CERS5: variants seen among roughly 807,000 people sequenced by gnomAD.
CERS5 encodes the protein LAG1 homolog, ceramide synthase 5.
CERS5 carries 37 observed loss-of-function variants against 58.9 expected under a neutral mutation model. That is an observed-to-expected ratio of 0.63 (90% CI 0.48 to 0.83). The LOEUF (loss-of-function observed/expected upper bound fraction) is 0.83. Among genes scored for constraint, CERS5 ranks in the 40% least tolerant of loss-of-function variants. CERS5 has a pLI of 0.00. For synonymous variants in CERS5, 147 were observed against 177.8 expected (o/e 0.83, Z 1.38); for missense variants, 398 against 489.3 (o/e 0.81, Z 1.76).
chr12:50,137,390 G>A (rs1001718784), intron 6 of CERS5, among the ~76,000 whole-genome samples: 4 of 152,092 alleles, frequency 2.6e-5, no homozygotes, highest in Admixed American at 1.3e-4. Context: ...AGCTTTTCTG[G>A]AATCAGACAT....
In CERS5 at chr12:50,143,487, T is replaced by G. The variant is rs61926149; in HGVS notation, c.304-283A>C. On this transcript the variant is annotated intron_variant, in intron 2 of 9. Coordinates refer to ENST00000317551, the MANE Select transcript of CERS5 (RefSeq NM_147190.5). ...CAGGCCAGGCATGGTGGCTCATGCC[T>G]GTAATCCTGGGATTTTTGAAGGCTG... 8.3e-3 allele frequency: 2,703 copies of G among 326,816 alleles called. 18 individuals carry two copies. The highest frequency in any genetic ancestry group is 0.012 in the Non-Finnish European group (2,101 of 178,072). 20.2% of individuals were successfully genotyped at this position (326,816 alleles called of 1,614,324 possible).
rs756218082 is a variant in CERS5 at position 50,135,879 on chromosome 12, T to A, written c.766-41A>T. 1.1e-5 allele frequency: 17 copies of A among 1,597,946 alleles called. No individual in the cohort carries two copies. In the Admixed American group the frequency reaches 2.8e-4, roughly 27 times the overall value. ...AAGAATTGAGCTGGGGAGAAAGTCA[T>A]TCCTCACATAGGAAGAAAAGAAGAG... On this transcript the variant is annotated intron_variant, in intron 7 of 9. Transcript: ENST00000317551.
intron 1 of CERS5, among the ~76,000 whole-genome samples, chr12:50,158,060 C>CAAAAAAAAAAAAAAAA (rs11388385): frequency 1.2e-5 from 1 of 81,372 alleles, no homozygotes; most frequent in African/African-American, 4.8e-5. Flanking sequence ...AGACCATGAC[C>CAAAAAAAAAAAAAAAA]AAAAAAAAAA....
intron 1 of CERS5, among the ~76,000 whole-genome samples, chr12:50,160,690 C>T (rs752574610): frequency 2.6e-5 from 4 of 152,186 alleles, no homozygotes; most frequent in Non-Finnish European, 5.9e-5. Flanking sequence ...GGAAAATATG[C>T]TCAAGGGACA....
intron 1 of CERS5, among the ~76,000 whole-genome samples, chr12:50,156,640 G>C (rs1469947410): frequency 1.3e-5 from 2 of 151,740 alleles, no homozygotes. Flanking sequence ...AGAAAATATT[G>C]ATAGATATAA....
chr12:50,155,882 C>T (rs1465866871), intron 1 of CERS5, among the ~76,000 whole-genome samples: 4 of 150,330 alleles, frequency 2.7e-5, no homozygotes, highest in African/African-American at 9.8e-5. Flanking sequence ...GCGGGTGGAT[C>T]ACCTGTGGTC....
intron 1 of CERS5, among the ~76,000 whole-genome samples, chr12:50,149,369 C>T (rs771098023): frequency 6.6e-6 from 1 of 152,120 alleles, no homozygotes; most frequent in Non-Finnish European, 1.5e-5. Flanking sequence ...ATTTGTCCTG[C>T]TTTGTAGAGA....
At chr12:50,133,161 T>C (rs1429358928) in intron 9 of CERS5, 1 of 1,230,476 alleles carries the variant, frequency 8.1e-7, no homozygotes, top group East Asian at 5.7e-5. Context: ...ATGGCAGCTA[T>C]AAGGAATAAT....
chr12:50,153,338 G>A (rs1271724019), intron 1 of CERS5, among the ~76,000 whole-genome samples: 2 of 125,320 alleles, frequency 1.6e-5, no homozygotes, highest in African/African-American at 6.1e-5. Context: ...GGAGTCCCGT[G>A]GCATGATCTT....
chr12:50,158,121 A>C (rs865955154), intron 1 of CERS5, among the ~76,000 whole-genome samples: 1 of 151,560 alleles, frequency 6.6e-6, no homozygotes, highest in Non-Finnish European at 1.5e-5. Context: ...ATGCATGTAG[A>C]TTGTATATTT....
intron 9 of CERS5, among the ~76,000 whole-genome samples, chr12:50,131,218 T>C (rs1442717176): frequency 6.6e-6 from 1 of 152,218 alleles, no homozygotes; most frequent in Non-Finnish European, 1.5e-5. Context: ...GACACTGTTT[T>C]CCAATCTTCT....
At chr12:50,167,031 C>G (rs12317544) in intron 1 of CERS5, 70 bp downstream of exon 1, 3 of 1,234,704 alleles carry the variant, frequency 2.4e-6, no homozygotes, top group Non-Finnish European at 3.3e-6. Flanking sequence ...TTCCGGCCCT[C>G]GGCCCTTCCC....
intron 1 of CERS5, among the ~76,000 whole-genome samples, chr12:50,155,013 A>G (rs903698437): frequency 3.9e-5 from 6 of 152,032 alleles, no homozygotes; most frequent in Non-Finnish European, 7.4e-5. Context: ...GTGCACCACC[A>G]TGCCTGGTTA....
rs568574449 is a variant in CERS5 at position 50,142,378 on chromosome 12, C to T, written c.435-268G>A. Among the ~76,000 whole-genome samples, 8 of 152,172 alleles carry T rather than the reference C, an allele frequency of 5.3e-5. No homozygotes were observed. The East Asian group carries it at 1.5e-3, about 29-fold the overall frequency. The stretch of plus-strand genomic sequence containing the variant: ...GACTATCCTAGCCAACATAGTGAAA[C>T]CTTGTCTCTACGAATACAAAAATTA... On this transcript the variant is annotated intron_variant, in intron 3 of 9. Transcript: ENST00000317551.
chr12:50,167,168 C>G lies in CERS5; in HGVS notation c.130G>C (p.Gly44Arg). ...GGGAACACCGAGAGGATGTGCCGGC[C>G]GCGGGGGTAACCGTAGCCGTCGGCC... ...GPADGYGYPR[G>R]RHILSVFPLA... Residue 44 changes from glycine (G) to arginine (R), a missense_variant, in exon 1 of 10, where the codon GGC (glycine) becomes CGC (arginine). Gly to Arg is a moderately radical substitution (Grantham distance 125). Coordinates refer to ENST00000317551, the MANE Select transcript of CERS5 (RefSeq NM_147190.5). 6.2e-7 allele frequency: 1 copy of G among 1,600,620 alleles called. No homozygotes were observed. Among genetic ancestry groups the G allele is most frequent in the Non-Finnish European group, 8.5e-7 (1 of 1,176,032 alleles).
chr12:50,155,134 A>G (rs1476936874), intron 1 of CERS5, among the ~76,000 whole-genome samples: 1 of 152,138 alleles, frequency 6.6e-6, no homozygotes, highest in Non-Finnish European at 1.5e-5. Context: ...CTGGGATTAT[A>G]GGGGTGAGCC....
At chr12:50,140,505 G>T (rs1951915432) in intron 4 of CERS5, among the ~76,000 whole-genome samples, 1 of 151,852 alleles carries the variant, frequency 6.6e-6, no homozygotes, top group Non-Finnish European at 1.5e-5. Context: ...GGCTGGTCTT[G>T]AACTCCTGAA....
At chr12:50,143,798 G>T (rs1007637872) in intron 2 of CERS5, 154 bp downstream of exon 2, 3 of 570,604 alleles carry the variant, frequency 5.3e-6, no homozygotes, top group African/African-American at 3.7e-5. Context: ...TTCCCTGAGG[G>T]GATAAAGCTC....
rs1003973489 is a variant in CERS5, at chr12:50,133,270, C to T, written c.1029+1276G>A. 10 of 1,100,374 alleles carry T rather than the reference C, an allele frequency of 9.1e-6. No individual in the cohort carries two copies. The African/African-American group carries it at 1.5e-4, about 16-fold the overall frequency. 68.2% of individuals were successfully genotyped at this position (1,100,374 alleles called of 1,614,324 possible). A position where few individuals can be genotyped will look rare whatever the true frequency, so the allele number is the denominator to read the frequency against. On this transcript the variant is annotated intron_variant, in intron 9 of 9. Transcript: ENST00000317551. ...CCCCTCCCACTTGGGATTCTGTATT[C>T]CTTTAGGCTGAAATCCCTAGCCCTT...
Sources: allele counts gnomAD v4.1 joint callset (sites outside exome capture counted in the v4.1 genomes callset), GRCh38; gene constraint gnomAD v4.1.1; transcripts MANE v1.5; gene names NCBI Gene and HGNC (gene_info 2026-07-23, HGNC 2026-07-21).